ZMYND11: variants seen among roughly 807,000 people sequenced by gnomAD.
ZMYND11 encodes zinc finger MYND-type containing 11, also known as zinc finger MYND domain-containing protein 11.
A neutral mutation model predicts 84.9 loss-of-function variants in ZMYND11; 9 were observed. The ratio of observed to expected loss-of-function variants is 0.11; its 90% confidence interval spans 0.06 to 0.18. ZMYND11 has a LOEUF of 0.18. Among genes scored for constraint, ZMYND11 ranks in the 10% least tolerant of loss-of-function variants. The pLI, the probability that ZMYND11 is intolerant of heterozygous loss-of-function variation, is 1.00. For missense variants in ZMYND11, 409 were observed against 761.0 expected (o/e 0.54, Z 5.44); for synonymous variants, 250 against 244.1 (o/e 1.02, Z -0.23).
chr10:214,266 C>G (rs1945781300), intron 3 of ZMYND11, among the ~76,000 whole-genome samples: 1 of 152,114 alleles, frequency 6.6e-6, no homozygotes, highest in Non-Finnish European at 1.5e-5. Context: ...AGGCCACTCC[C>G]AATTTTAAAT....
intron 1 of ZMYND11, among the ~76,000 whole-genome samples, chr10:155,326 A>T (rs985425527): frequency 6.6e-6 from 1 of 152,196 alleles, no homozygotes; most frequent in Admixed American, 6.5e-5. Flanking sequence ...CATAGATGAT[A>T]ACCCAAAGGA....
intron 11 of ZMYND11, among the ~76,000 whole-genome samples, 192 bp from the exon 12 acceptor site, chr10:247,206 T>C (rs1455777122): frequency 6.6e-6 from 1 of 152,226 alleles, no homozygotes; most frequent in East Asian, 1.9e-4. Flanking sequence ...TGCTCCTCTC[T>C]GAAGGTGCGC....
At chr10:140,082 T>C (rs1233138081) in intron 1 of ZMYND11, among the ~76,000 whole-genome samples, 2 of 152,158 alleles carry the variant, frequency 1.3e-5, no homozygotes, top group Non-Finnish European at 2.9e-5. Context: ...CACACTCTTA[T>C]AATTGCATCC....
chr10:246,081 AG>A (rs1311774786), intron 10 of ZMYND11, among the ~76,000 whole-genome samples: 1 of 152,174 alleles, frequency 6.6e-6, no homozygotes, highest in Non-Finnish European at 1.5e-5. Flanking sequence ...ACCAATGCCC[AG>A]GAAAAAGTGT....
intron 10 of ZMYND11, among the ~76,000 whole-genome samples, chr10:242,766 T>TACACAATGAGGGAC (rs1951281342): frequency 6.6e-6 from 1 of 152,214 alleles, no homozygotes; most frequent in Non-Finnish European, 1.5e-5. Context: ...ATAGAGAAGC[T>TACACAATGAGGGAC]ACACAATGAG....
At chr10:225,942 G>A (rs1948043379) in intron 4 of ZMYND11, among the ~76,000 whole-genome samples, 1 of 152,202 alleles carries the variant, frequency 6.6e-6, no homozygotes, top group Non-Finnish European at 1.5e-5. Flanking sequence ...TCTGTGCTGT[G>A]CAGTGTGAGC....
intron 3 of ZMYND11, among the ~76,000 whole-genome samples, chr10:220,039 C>G (rs987346135): frequency 2.0e-5 from 3 of 152,196 alleles, no homozygotes; most frequent in African/African-American, 7.2e-5. Context: ...CAGATATGGT[C>G]AAGCAGTAAC....
At chr10:191,478 G>T (rs935184102) in intron 2 of ZMYND11, among the ~76,000 whole-genome samples, 4 of 152,132 alleles carry the variant, frequency 2.6e-5, no homozygotes, top group African/African-American at 9.7e-5. Flanking sequence ...AGGCTATCAG[G>T]GTAAATTATT....
At chr10:188,084 T>C (rs992921983) in intron 2 of ZMYND11, among the ~76,000 whole-genome samples, 6 of 152,230 alleles carry the variant, frequency 3.9e-5, no homozygotes, top group African/African-American at 1.4e-4. Flanking sequence ...AGCTAGCACA[T>C]ATGAATTAAT....
intron 3 of ZMYND11, among the ~76,000 whole-genome samples, chr10:214,278 G>T (rs557434513): frequency 2.3e-4 from 35 of 152,204 alleles, no homozygotes; most frequent in African/African-American, 8.4e-4. Flanking sequence ...ATTTTAAATG[G>T]TTTGCTCAAA....
chr10:225,894 A>G (rs1219223486), intron 4 of ZMYND11, among the ~76,000 whole-genome samples: 1 of 152,134 alleles, frequency 6.6e-6, no homozygotes, highest in Non-Finnish European at 1.5e-5. Flanking sequence ...CTTGTAGAGC[A>G]GGGCTGTTCG....
chr10:136,432 C>G (rs1289353876), intron 1 of ZMYND11, among the ~76,000 whole-genome samples: 1 of 152,080 alleles, frequency 6.6e-6, no homozygotes, highest in African/African-American at 2.4e-5. Flanking sequence ...GTACGCAGTA[C>G]CGGGGATTAT....
At chr10:153,588 A>C (rs1022745769) in intron 1 of ZMYND11, among the ~76,000 whole-genome samples, 1 of 152,170 alleles carries the variant, frequency 6.6e-6, no homozygotes, top group African/African-American at 2.4e-5. Flanking sequence ...TGTTTATTGT[A>C]TGTTATAGAA....
chr10:243,535 G>A (rs1001460328), intron 10 of ZMYND11, among the ~76,000 whole-genome samples: 2 of 152,148 alleles, frequency 1.3e-5, no homozygotes, highest in Non-Finnish European at 2.9e-5. Flanking sequence ...CTTGTTAGAT[G>A]TCATTCAGTA....
At chr10:245,685 C>T (rs1951978757) in intron 10 of ZMYND11, among the ~76,000 whole-genome samples, 1 of 152,176 alleles carries the variant, frequency 6.6e-6, no homozygotes, top group South Asian at 2.1e-4. Flanking sequence ...TCTTCCAAGA[C>T]CAAGGCCGAA....
intron 4 of ZMYND11, among the ~76,000 whole-genome samples, chr10:230,096 A>T (rs1036072341): frequency 1.3e-5 from 2 of 152,206 alleles, no homozygotes; most frequent in Admixed American, 6.5e-5. Flanking sequence ...CTAAAACGAT[A>T]TAAGTAATTT....
chr10:137,756 A>G (rs1218508279), intron 1 of ZMYND11, among the ~76,000 whole-genome samples: 2 of 152,188 alleles, frequency 1.3e-5, no homozygotes, highest in Non-Finnish European at 2.9e-5. Context: ...GGCACAGGTT[A>G]CATTATAGTT....
At chr10:145,749 TC>T (rs2131227193) in intron 1 of ZMYND11, among the ~76,000 whole-genome samples, 1 of 152,290 alleles carries the variant, frequency 6.6e-6, no homozygotes, top group South Asian at 2.1e-4. Flanking sequence ...GGATTTTTTT[TC>T]TTGCTGATTT....
intron 4 of ZMYND11, among the ~76,000 whole-genome samples, chr10:223,713 C>A (rs1373099297): frequency 6.6e-6 from 1 of 152,122 alleles, no homozygotes; most frequent in African/African-American, 2.4e-5. Context: ...ACTAACAATT[C>A]TTTTCCTTTG....
Sources: gnomAD v4.1 joint callset for allele counts (sites outside exome capture counted in the v4.1 genomes callset) on GRCh38, gnomAD v4.1.1 for gene constraint, MANE v1.5 for transcripts, NCBI Gene and HGNC (gene_info 2026-07-23, HGNC 2026-07-21) for gene names.